SNX30: variants seen among roughly 807,000 people sequenced by gnomAD.
The protein encoded by SNX30 is sorting nexin family member 30.
SNX30 carries 24 observed loss-of-function variants against 46.4 expected under a neutral mutation model. The ratio of observed to expected loss-of-function variants is 0.52; its 90% CI spans 0.37 to 0.73. SNX30 has a LOEUF of 0.73. SNX30 is among the 30% of genes least tolerant of loss of function. SNX30 has a pLI of 0.00. For synonymous variants in SNX30, 189 were observed against 211.5 expected, an observed-to-expected ratio of 0.89 and a Z score of 0.92; for missense variants, 533 against 555.7, an observed-to-expected ratio of 0.96 and a Z score of 0.41.
intron 6 of SNX30, among the ~76,000 whole-genome samples, chr9:112,842,394 CA>C (rs1014151721): frequency 2.6e-5 from 4 of 152,214 alleles, no homozygotes; most frequent in Non-Finnish European, 5.9e-5. Context: ...TTGTCCTCAT[CA>C]TTTGGAAGTA....
intron 2 of SNX30, among the ~76,000 whole-genome samples, chr9:112,812,201 T>C (rs1043741392): frequency 6.6e-6 from 1 of 152,214 alleles, no homozygotes; most frequent in Non-Finnish European, 1.5e-5. Context: ...GAACAAATTG[T>C]GGTAAAAATA....
intron 3 of SNX30, among the ~76,000 whole-genome samples, chr9:112,827,033 T>A (rs1840588557): frequency 6.6e-6 from 1 of 152,190 alleles, no homozygotes; most frequent in East Asian, 1.9e-4. Context: ...TCCCCTCTCT[T>A]CTTTCATTTA....
chr9:112,796,255 G>A (rs775131415), intron 1 of SNX30, among the ~76,000 whole-genome samples: 44 of 152,328 alleles, frequency 2.9e-4, no homozygotes, highest in Admixed American at 1.5e-3. Flanking sequence ...TCGGAGGCCC[G>A]GTGTGCTAGT....
intron 7 of SNX30, among the ~76,000 whole-genome samples, chr9:112,857,051 C>T (rs775337997): frequency 5.9e-5 from 9 of 152,204 alleles, no homozygotes; most frequent in Non-Finnish European, 1.2e-4. Flanking sequence ...CCCCAGGGCG[C>T]GGGCCCCAGC....
At chr9:112,751,207 G>A (rs762952801) in intron 1 of SNX30, 50 bp downstream of exon 1, 36 of 1,357,074 alleles carry the variant, frequency 2.7e-5, no homozygotes, top group Non-Finnish European at 3.0e-5. Flanking sequence ...CTCCCCGTGG[G>A]GGGGATGATG....
chr9:112,783,223 G>A (rs1051930241), intron 1 of SNX30, among the ~76,000 whole-genome samples: 10 of 152,198 alleles, frequency 6.6e-5, no homozygotes, highest in South Asian at 2.1e-4. Context: ...AGACGGTGAA[G>A]GGCTACTAGC....
In SNX30 at chr9:112,874,270, C is replaced by G. The variant is rs1030823541; in HGVS notation, c.*5427C>G. ...CTTAAAGGCGCTTTTGGCCTAGACA[C>G]CCCTGAAGTTTGGATGAAGTCTGGT... On this transcript the variant is annotated 3_prime_UTR_variant, in exon 9 of 9. Coordinates refer to ENST00000374232, the MANE Select transcript of SNX30 (RefSeq NM_001012994.2). 6.6e-6 allele frequency: 1 copy of G among 152,182 alleles called. No homozygotes were observed. The highest frequency in any genetic ancestry group is 1.5e-5 in the Non-Finnish European group (1 of 68,048). The allele number at this position is 152,182 out of a possible 1,614,324, so 9.4% of individuals were successfully genotyped here.
chr9:112,835,156 G>T (rs375993123), intron 4 of SNX30, among the ~76,000 whole-genome samples: 30 of 152,228 alleles, frequency 2.0e-4, no homozygotes, highest in African/African-American at 6.5e-4. Context: ...TAGGTCTGGG[G>T]ATTAACATTC....
chr9:112,757,954 A>G (rs146963998), intron 1 of SNX30, among the ~76,000 whole-genome samples: 2 of 151,276 alleles, frequency 1.3e-5, no homozygotes, highest in African/African-American at 4.9e-5. Flanking sequence ...GGTCCTGGAC[A>G]CTCCTTCTTT....
rs754567330 is a variant in SNX30 at position 112,838,541 on chromosome 9, A to G, written c.858A>G (p.Thr286=). The change falls in exon 6 of 9, where the codon ACA becomes ACG. Residue 286 remains threonine (T), a synonymous_variant. Coordinates refer to ENST00000374232, the MANE Select transcript of SNX30 (RefSeq NM_001012994.2). Reference sequence around the variant, plus strand: ...GAGAATACGGGCCTGTGTACTCCACATGGAGCGCCTTGGAGGGTGAGCTGG... The same window carrying G: ...GAGAATACGGGCCTGTGTACTCCACGTGGAGCGCCTTGGAGGGTGAGCTGG... ...ELREYGPVYS[T]WSALEGELAE... 7 of 1,614,066 alleles carry G rather than the reference A, an allele frequency of 4.3e-6. No homozygotes were observed. Among genetic ancestry groups the G allele is most frequent in the East Asian group, 2.2e-5 (1 of 44,892 alleles).
chr9:112,831,976 A>T, intron 4 of SNX30, among the ~76,000 whole-genome samples: 2 of 152,300 alleles, frequency 1.3e-5, no homozygotes, highest in South Asian at 4.1e-4. Context: ...TGTGGTCCAG[A>T]TACTTTCTAG....
chr9:112,815,215 T>G (rs1236519565), intron 2 of SNX30, among the ~76,000 whole-genome samples: 1 of 151,972 alleles, frequency 6.6e-6, no homozygotes, highest in African/African-American at 2.4e-5. Flanking sequence ...AAATTGGTTG[T>G]GGCAAAAATA....
intron 1 of SNX30, among the ~76,000 whole-genome samples, chr9:112,764,240 A>G (rs1045137486): frequency 3.3e-5 from 5 of 152,214 alleles, no homozygotes; most frequent in Admixed American, 3.3e-4. Flanking sequence ...TAGCAGTGTC[A>G]AGTGATGCAC....
At chr9:112,807,840 G>C (rs774870743) in intron 2 of SNX30, among the ~76,000 whole-genome samples, 1 of 152,158 alleles carries the variant, frequency 6.6e-6, no homozygotes, top group Non-Finnish European at 1.5e-5. Context: ...TTCCCTCTGT[G>C]TTCTTATTTC....
In SNX30 at chr9:112,768,651, T is replaced by TCTTCTTC. The variant is rs11381361; in HGVS notation, c.156+17494_156+17495insCTTCTTC. 1.4e-3 allele frequency among the ~76,000 whole-genome samples: 132 copies of TCTTCTTC among 94,708 alleles called. 2 individuals are homozygous for TCTTCTTC. Among genetic ancestry groups the TCTTCTTC allele is most frequent in the Middle Eastern group, 6.8e-3 (1 of 146 alleles). The allele number at this position is 94,708 out of a possible 152,430, so 62.1% of individuals were successfully genotyped here. On this transcript the variant is annotated intron_variant, in intron 1 of 8. Coordinates refer to ENST00000374232, the MANE Select transcript of SNX30 (RefSeq NM_001012994.2). ...TTCTCTAGATAATTCTTTCTTCTTT[T>TCTTCTTC]TTTTTTTTTTTTTTTTTTTTTTTTG...
Position 112,750,880 on chromosome 9 carries a change from G to A in SNX30, c.-122G>A, listed in dbSNP as rs1839261617. On this transcript the variant is annotated 5_prime_UTR_variant, in exon 1 of 9. Transcript: ENST00000374232. ...GGCGGGTGGCGGCGGCCCCCAGCACGGCCGGTGCAAGGCCTCGGGTTAAGC... is the reference window on the plus strand; with the variant it reads ...GGCGGGTGGCGGCGGCCCCCAGCACAGCCGGTGCAAGGCCTCGGGTTAAGC... The A allele has an allele frequency of 4.2e-6, 4 of 941,858 alleles. No homozygotes were observed. The highest frequency in any genetic ancestry group is 5.4e-5 in the Admixed American group (1 of 18,600). The allele number at this position is 941,858 out of a possible 1,614,324, so 58.3% of individuals were successfully genotyped here. A position where few individuals can be genotyped will look rare whatever the true frequency, so the allele number is the denominator to read the frequency against.
At chr9:112,823,971 G>A (rs1056557720) in intron 3 of SNX30, among the ~76,000 whole-genome samples, 2 of 152,158 alleles carry the variant, frequency 1.3e-5, no homozygotes, top group Non-Finnish European at 2.9e-5. Context: ...TTGCTTAGAA[G>A]CAGTATTTTC....
intron 3 of SNX30, among the ~76,000 whole-genome samples, chr9:112,822,784 A>G (rs1260022956): frequency 1.3e-5 from 2 of 152,184 alleles, no homozygotes; most frequent in Non-Finnish European, 2.9e-5. Context: ...TAGTGTGATG[A>G]AATCTCATGC....
At chr9:112,758,955 A>G (rs558331007) in intron 1 of SNX30, among the ~76,000 whole-genome samples, 18 of 151,988 alleles carry the variant, frequency 1.2e-4, no homozygotes, top group Admixed American at 4.6e-4. Context: ...ACACACACAC[A>G]CGCGCGCACG....
Sources: allele counts gnomAD v4.1 joint callset (sites outside exome capture counted in the v4.1 genomes callset), GRCh38; gene constraint gnomAD v4.1.1; transcripts MANE v1.5; gene names NCBI Gene and HGNC (gene_info 2026-07-23, HGNC 2026-07-21).